The following RABGAP1 variants were observed in gnomAD, a reference collection of about 807,000 sequenced individuals.
The protein encoded by RABGAP1 is rab GTPase-activating protein 1.
Under a neutral mutation model 137.6 loss-of-function variants are expected in RABGAP1, and 23 were observed. That is an observed-to-expected ratio of 0.17 (90% CI 0.12 to 0.24). The LOEUF is 0.24. Among genes scored for constraint, RABGAP1 ranks in the 10% least tolerant of loss-of-function variants. RABGAP1 has a pLI of 1.00. For missense variants in RABGAP1, 906 were observed against 1,275.8 expected (o/e 0.71, Z 4.42); for synonymous variants, 451 against 450.7 (o/e 1.00, Z -0.01).
At chr9:122,997,625 T>G (rs141290220) in intron 9 of RABGAP1, among the ~76,000 whole-genome samples, 2 of 152,318 alleles carry the variant, frequency 1.3e-5, no homozygotes, top group East Asian at 3.9e-4. Flanking sequence ...TACAGACTTA[T>G]AAGTTTTATT....
intron 21 of RABGAP1, among the ~76,000 whole-genome samples, chr9:123,093,541 ATTAG>A (rs1322932955): frequency 1.3e-5 from 2 of 152,198 alleles, no homozygotes; most frequent in Non-Finnish European, 2.9e-5. Context: ...TCAGCTCCTT[ATTAG>A]TTCTGTGACA....
chr9:122,948,312 G>A (rs559143759), intron 1 of RABGAP1, among the ~76,000 whole-genome samples: 14 of 152,238 alleles, frequency 9.2e-5, no homozygotes, highest in African/African-American at 3.1e-4. Flanking sequence ...AATTGGGAGA[G>A]GATGGAGATA....
chr9:123,080,532 TACAC>T (rs2034673860), intron 19 of RABGAP1, among the ~76,000 whole-genome samples: 2 of 152,324 alleles, frequency 1.3e-5, no homozygotes, highest in African/African-American at 2.4e-5. Flanking sequence ...TTAAGAGAGA[TACAC>T]ACAATAGTTG....
In RABGAP1 at chr9:123,099,467, T is replaced by C; in HGVS notation, c.2818-11T>C. The C allele has an allele frequency of 6.2e-7, 1 of 1,601,576 alleles. No individual in the cohort carries two copies. On this transcript the variant is annotated splice_polypyrimidine_tract_variant and intron_variant, in intron 23 of 25. Transcript: ENST00000373647. ...GCTCAAGAGATTGTTGTTTTATATTTGTTTCTTTAGATTTGTTCTCAGTTG... is the reference window on the plus strand; with the variant it reads ...GCTCAAGAGATTGTTGTTTTATATTCGTTTCTTTAGATTTGTTCTCAGTTG...
intron 2 of RABGAP1, among the ~76,000 whole-genome samples, chr9:122,959,255 T>C (rs1834713915): frequency 6.7e-6 from 1 of 149,188 alleles, no homozygotes; most frequent in African/African-American, 2.5e-5. Context: ...AGGACAGGGG[T>C]TAGAGCAGAG....
intron 13 of RABGAP1, among the ~76,000 whole-genome samples, chr9:123,055,672 C>T (rs1304373078): frequency 6.6e-6 from 1 of 151,220 alleles, no homozygotes; most frequent in African/African-American, 2.4e-5. Context: ...GCCTCAGCCT[C>T]CTGAGTAGCT....
At chr9:123,050,361 A>C (rs1205510852) in intron 13 of RABGAP1, among the ~76,000 whole-genome samples, 1 of 152,220 alleles carries the variant, frequency 6.6e-6, no homozygotes, top group Non-Finnish European at 1.5e-5. Context: ...TTTGCCTTCA[A>C]GAGCAAATCA....
In RABGAP1 at chr9:123,020,389, T is replaced by G; in HGVS notation, c.1724T>G (p.Val575Gly). Residue 575 changes from valine (V) to glycine (G), a missense_variant, in exon 13 of 26, where the codon GTC (valine) becomes GGC (glycine). This residue lies in a region of RABGAP1 where 212 missense variants were observed against 289.4 expected (regional missense o/e 0.73). Transcript: ENST00000373647. ...GTCCCTGAAGCTCTTCGAGGAGAAG[T>G]CTGGCAGCTGCTAGCAGGCTGTCAT... ...NGVPEALRGE[V>G]WQLLAGCHNN... 1 of 1,607,802 alleles carries G rather than the reference T, an allele frequency of 6.2e-7. No homozygotes were observed. Among genetic ancestry groups the G allele is most frequent in the Non-Finnish European group, 8.5e-7 (1 of 1,176,898 alleles).
chr9:123,095,247 AAAAAGC>A (rs2035147666), intron 21 of RABGAP1, among the ~76,000 whole-genome samples: 1 of 151,408 alleles, frequency 6.6e-6, no homozygotes, highest in Non-Finnish European at 1.5e-5. Context: ...AAAAAAAAAA[AAAAAGC>A]CAGCTTTTGC....
At chr9:123,080,761 A>G (rs803714) in intron 19 of RABGAP1, among the ~76,000 whole-genome samples, 114,996 of 152,010 alleles carry the variant, frequency 0.76, 45,427 homozygotes, top group Middle Eastern at 0.89. Context: ...GAACTTTTTC[A>G]TGTGGAATTT....
chr9:122,987,765 T>C (rs887636488), intron 4 of RABGAP1, among the ~76,000 whole-genome samples: 40 of 152,184 alleles, frequency 2.6e-4, no homozygotes, highest in Non-Finnish European at 4.9e-4. Context: ...ATCTTTGAGC[T>C]CAATCTTTTT....
intron 13 of RABGAP1, among the ~76,000 whole-genome samples, chr9:123,057,895 A>C (rs980851795): frequency 6.6e-6 from 1 of 152,234 alleles, no homozygotes; most frequent in Non-Finnish European, 1.5e-5. Context: ...CACCAAAAAA[A>C]TACGAAAACC....
intron 2 of RABGAP1, among the ~76,000 whole-genome samples, chr9:122,976,429 GTTC>G (rs930296039): frequency 6.6e-6 from 1 of 152,138 alleles, no homozygotes; most frequent in African/African-American, 2.4e-5. Flanking sequence ...TCTTTGCAGT[GTTC>G]TTATTGTAAA....
At chr9:122,968,041 T>A (rs542678673) in intron 2 of RABGAP1, among the ~76,000 whole-genome samples, 2 of 152,190 alleles carry the variant, frequency 1.3e-5, no homozygotes, top group East Asian at 3.9e-4. Flanking sequence ...TTTCTTAATG[T>A]TTAATTTTTG....
At chr9:122,995,663 G>C (rs1249588095) in intron 6 of RABGAP1, among the ~76,000 whole-genome samples, 1 of 143,202 alleles carries the variant, frequency 7.0e-6, no homozygotes, top group Non-Finnish European at 1.5e-5. Context: ...CTGCCTCCCT[G>C]GTTCAAGCGA....
chr9:123,090,426 A>G (rs1272402867), intron 21 of RABGAP1, 41 bp downstream of exon 21: 3 of 1,461,746 alleles, frequency 2.1e-6, no homozygotes, highest in Non-Finnish European at 2.8e-6. Flanking sequence ...TCACTGAGAC[A>G]CTTGACTTTT....
At chr9:122,999,276 C>G (rs1255652301) in intron 10 of RABGAP1, among the ~76,000 whole-genome samples, 1 of 151,642 alleles carries the variant, frequency 6.6e-6, no homozygotes, top group Non-Finnish European at 1.5e-5. Context: ...CTCCGCCTCC[C>G]GGGTTCAAGT....
intron 13 of RABGAP1, among the ~76,000 whole-genome samples, chr9:123,056,970 C>T (rs1040981638): frequency 1.3e-4 from 20 of 152,226 alleles, no homozygotes; most frequent in Admixed American, 7.8e-4. Context: ...CATCATGGCC[C>T]GTTCTCAATG....
chr9:123,104,313 C>T lies in RABGAP1; in HGVS notation c.*1100C>T, dbSNP rs370018694. On this transcript the variant is annotated 3_prime_UTR_variant, in exon 26 of 26. Coordinates refer to ENST00000373647, the MANE Select transcript of RABGAP1 (RefSeq NM_012197.4). ...TCCGGGCCTGTCCCTCCCAGATGGGCTGGGCCTTTGGGCCCTCCTCAGAGT... is the reference window on the plus strand; with the variant it reads ...TCCGGGCCTGTCCCTCCCAGATGGGTTGGGCCTTTGGGCCCTCCTCAGAGT... 19 of 152,628 alleles carry T rather than the reference C, an allele frequency of 1.2e-4. No homozygotes were observed. In the East Asian group the frequency reaches 3.5e-3, roughly 28 times the overall value. 9.5% of individuals were successfully genotyped at this position (152,628 alleles called of 1,614,324 possible). A position where few individuals can be genotyped will look rare whatever the true frequency, so the allele number is the denominator to read the frequency against.
Sources: gnomAD v4.1 joint callset for allele counts (sites outside exome capture counted in the v4.1 genomes callset) on GRCh38, gnomAD v4.1.1 for gene constraint, gnomAD v4.1.1 regional missense constraint, MANE v1.5 for transcripts, NCBI Gene and HGNC (gene_info 2026-07-23, HGNC 2026-07-21) for gene names.